The following STRN4 variants were observed in gnomAD, a reference collection of about 807,000 sequenced individuals.
STRN4 encodes the protein striatin-4.
In STRN4, 27 loss-of-function variants were observed where a neutral mutation model predicts 77.9. That is an observed-to-expected ratio of 0.35 (90% CI 0.26 to 0.48). The LOEUF (loss-of-function observed/expected upper bound fraction) is 0.48, where lower values mean the gene tolerates loss of function less well. Among genes scored for constraint, STRN4 ranks in the 20% least tolerant of loss-of-function variants. STRN4 has a pLI of 0.99. For missense variants in STRN4, 798 were observed against 1,049.7 expected (o/e 0.76, Z 3.31); for synonymous variants, 466 against 443.1 (o/e 1.05, Z -0.65).
In STRN4 at chr19:46,725,391, C is replaced by G. The variant is rs1188518980; in HGVS notation, c.1425-12G>C. On this transcript the variant is annotated splice_polypyrimidine_tract_variant and intron_variant, in intron 10 of 17. Coordinates refer to ENST00000263280, the MANE Select transcript of STRN4 (RefSeq NM_013403.3). ...CTAGCGCCGCATTCCTGTGGGATGACAGAGGAGCCTGATGTCACTGAGACC... is the reference window on the plus strand; with the variant it reads ...CTAGCGCCGCATTCCTGTGGGATGAGAGAGGAGCCTGATGTCACTGAGACC... 1.2e-6 allele frequency: 2 copies of G among 1,614,110 alleles called. No homozygotes were observed. The highest frequency in any genetic ancestry group is 1.1e-5 in the South Asian group (1 of 91,086).
Position 46,720,744 on chromosome 19 carries a change from C to A in STRN4, c.2120G>T (p.Ser707Ile). 6.2e-7 allele frequency: 1 copy of A among 1,603,072 alleles called. No homozygotes were observed. ...GSHDCSLRLW[S>I]LDNKTCVQEI... Reference sequence around the variant, plus strand: ...CTGCACGCACGTTTTGTTGTCCAGGCTCCAGAGACGCAGGGAGCAGTCATG... The same window carrying A: ...CTGCACGCACGTTTTGTTGTCCAGGATCCAGAGACGCAGGGAGCAGTCATG... Residue 707 changes from serine to isoleucine, a missense_variant, in exon 17 of 18, where the codon AGC becomes ATC. Around this residue, in one of 2 missense-constraint regions of STRN4, gnomAD observed 287 missense variants for 473.8 expected, o/e 0.61. Transcript: ENST00000263280.
Position 46,746,439 on chromosome 19 carries a change from C to G in STRN4, c.-9G>C. On this transcript the variant is annotated 5_prime_UTR_variant, in exon 1 of 18. Coordinates refer to ENST00000263280, the MANE Select transcript of STRN4 (RefSeq NM_013403.3). ...GCTCGCTCCTCCATCATGGAGGCCC[C>G]GGGGCCGGCCTGCGCGCCCGCTGTG... is the stretch of plus-strand genomic sequence containing the variant. 12 of 1,008,468 alleles carry G rather than the reference C, an allele frequency of 1.2e-5. No homozygotes were observed. Among genetic ancestry groups the G allele is most frequent in the South Asian group, 4.6e-5 (1 of 21,876 alleles). The allele number at this position is 1,008,468 out of a possible 1,614,324, so 62.5% of individuals were successfully genotyped here.
intron 1 of STRN4, 145 bp downstream of exon 1, chr19:46,746,004 C>T (rs1005294505): frequency 1.9e-6 from 2 of 1,077,744 alleles, no homozygotes; most frequent in African/African-American, 3.3e-5. Flanking sequence ...CCTCACTCGC[C>T]CTCCGGGACC....
intron 1 of STRN4, among the ~76,000 whole-genome samples, chr19:46,739,943 A>G (rs551337442): frequency 6.6e-6 from 1 of 152,336 alleles, no homozygotes; most frequent in African/African-American, 2.4e-5. Context: ...AAATGGGCCC[A>G]GTTCCTTACG....
chr19:46,720,844 C>G, intron 16 of STRN4, 73 bp from the exon 17 acceptor site: 2 of 1,454,218 alleles, frequency 1.4e-6, no homozygotes, highest in Non-Finnish European at 1.8e-6. Flanking sequence ...AACCCCTCAC[C>G]TGGCCTTGTC....
At position 46,736,882 on chromosome 19, in the gene STRN4, T is replaced by C; in HGVS notation, c.480A>G (p.Glu160=). 4 of 1,612,860 alleles carry C rather than the reference T, an allele frequency of 2.5e-6. No homozygotes were observed. In the South Asian group the frequency reaches 4.4e-5, roughly 18 times the overall value. Residue 160 remains glutamate (E), a synonymous_variant, in exon 4 of 18, where the codon GAA becomes GAG. Transcript: ENST00000263280. The part of the protein sequence containing the change: ...VSEQVSNGPV[E]SVTLENSPLV... ...ACGGGCTGTTCTCCAGGGTGACCGA[T>C]TCCACGGGGCCATTGGAGACTGGCG... is the stretch of plus-strand genomic sequence containing the variant.
intron 1 of STRN4, among the ~76,000 whole-genome samples, chr19:46,740,912 G>T (rs2054462516): frequency 6.6e-6 from 1 of 152,224 alleles, no homozygotes; most frequent in Non-Finnish European, 1.5e-5. Context: ...GTTAGCCAGG[G>T]GAGGGAAGGG....
At chr19:46,720,499 C>A in intron 17 of STRN4, 37 bp downstream of exon 17, 1 of 1,330,522 alleles carries the variant, frequency 7.5e-7, no homozygotes, top group Non-Finnish European at 9.9e-7. Flanking sequence ...TAGGCATGGG[C>A]GTGCAGAGAC....
Position 46,738,945 on chromosome 19 carries a change from G to T in STRN4, c.283-57C>A. On this transcript the variant is annotated intron_variant, in intron 1 of 17. Transcript: ENST00000263280. This position sits in a 1 kb window ranked among gnomAD's most constrained non-coding sequence, Gnocchi z 4.5. ...AATGGGGCTCAGGCTCAATGCCGGT[G>T]TGTCTATCACTCACCCAGGTATAGT... is the stretch of plus-strand genomic sequence containing the variant. 6.8e-7 allele frequency: 1 copy of T among 1,474,494 alleles called. No homozygotes were observed. The highest frequency in any genetic ancestry group is 1.1e-5 in the South Asian group (1 of 88,332). The allele number at this position is 1,474,494 out of a possible 1,614,324, so 91.3% of individuals were successfully genotyped here.
In STRN4 at chr19:46,728,720, CAG is replaced by C; in HGVS notation, c.935_936del (p.Ser312Ter). The C allele has an allele frequency of 6.2e-7, 1 of 1,614,222 alleles. No homozygotes were observed. The highest frequency in any genetic ancestry group is 8.5e-7 in the Non-Finnish European group (1 of 1,180,018). The part of the protein sequence containing the change: ...EMEDEDEEDD[S>X]EDAINEFDFL... ...AAATCAAACTCATTGATAGCATCCT[CAG>C]AGTCGTCTTCCTCATCCTCGTCTTC... On this transcript the variant is annotated frameshift_variant, in exon 7 of 18. Coordinates refer to ENST00000263280, the MANE Select transcript of STRN4 (RefSeq NM_013403.3). LOFTEE classifies it high-confidence loss of function.
intron 6 of STRN4, 92 bp from the exon 7 acceptor site, chr19:46,728,869 G>A (rs1029349737): frequency 1.6e-5 from 25 of 1,539,646 alleles, no homozygotes; most frequent in Non-Finnish European, 2.2e-5. Context: ...CCGGGGCTCT[G>A]GGCCCGTTTC....
intron 1 of STRN4, among the ~76,000 whole-genome samples, chr19:46,744,840 G>A (rs1428878438): frequency 1.3e-5 from 2 of 151,836 alleles, no homozygotes; most frequent in Non-Finnish European, 2.9e-5. Flanking sequence ...GACTTCCAGC[G>A]GGCCATTCCT....
At chr19:46,742,957 C>G (rs1191724617) in intron 1 of STRN4, among the ~76,000 whole-genome samples, 4 of 152,216 alleles carry the variant, frequency 2.6e-5, no homozygotes, top group African/African-American at 9.6e-5. Flanking sequence ...GCAGCCATGT[C>G]TGATGGGGGA....
At position 46,733,012 on chromosome 19, in the gene STRN4, A is replaced by T; in HGVS notation, c.737+27T>A. 1 of 1,591,506 alleles carries T rather than the reference A, an allele frequency of 6.3e-7. No individual in the cohort carries two copies. Among genetic ancestry groups the T allele is most frequent in the Admixed American group, 1.7e-5 (1 of 58,774 alleles). ...ACCAGCAGTCAGGAGGAACAGAGAG[A>T]CACACCTGCCATGTCCACGGGCTCA... On this transcript the variant is annotated intron_variant, in intron 5 of 17. Coordinates refer to ENST00000263280, the MANE Select transcript of STRN4 (RefSeq NM_013403.3). The surrounding 1 kb of genome is among the most constrained non-coding windows in gnomAD (Gnocchi z 4.3).
intron 16 of STRN4, 75 bp from the exon 17 acceptor site, chr19:46,720,846 G>C: frequency 6.9e-7 from 1 of 1,449,332 alleles, no homozygotes; most frequent in Non-Finnish European, 9.1e-7. Flanking sequence ...CCCCTCACCT[G>C]GCCTTGTCCA....
Position 46,746,405 on chromosome 19 carries a change from G to A in STRN4, c.26C>T (p.Ala9Val). Residue 9 changes from alanine to valine, a missense_variant, in exon 1 of 18, where the codon GCG (alanine) becomes GTG (valine). Coordinates refer to ENST00000263280, the MANE Select transcript of STRN4 (RefSeq NM_013403.3). Reference protein sequence around the residue: MMEERAAAAVAAAASSCRP... With the variant: MMEERAAAVVAAAASSCRP... Reference sequence around the variant, plus strand: ...GCAGGAGGAGGCGGCGGCGGCGACCGCGGCGGCCGCTCGCTCCTCCATCAT... The same window carrying A: ...GCAGGAGGAGGCGGCGGCGGCGACCACGGCGGCCGCTCGCTCCTCCATCAT... The A allele has an allele frequency of 2.9e-6, 3 of 1,052,072 alleles. No individual in the cohort carries two copies. The highest frequency in any genetic ancestry group is 3.4e-6 in the Non-Finnish European group (3 of 876,216). 65.2% of individuals were successfully genotyped at this position (1,052,072 alleles called of 1,614,324 possible).
intron 7 of STRN4, 163 bp downstream of exon 7, chr19:46,728,455 G>T: frequency 1.0e-6 from 1 of 961,368 alleles, no homozygotes; most frequent in Non-Finnish European, 1.5e-6. Flanking sequence ...GGGGCCGGCG[G>T]CCATGACCTG....
chr19:46,742,900 C>T lies in STRN4; in HGVS notation c.282+3249G>A, dbSNP rs115010657. Among the ~76,000 whole-genome samples the T allele has an allele frequency of 9.5e-4, 145 of 152,334 alleles. 1 individual carries two copies. The highest frequency in any genetic ancestry group is 3.2e-3 in the African/African-American group (134 of 41,576). ...TAAACACATCCATTCTACTATTCCA[C>T]TCATCTGTTCTGCTTCATTCTTGCA... is the stretch of plus-strand genomic sequence containing the variant. On this transcript the variant is annotated intron_variant, in intron 1 of 17. Transcript: ENST00000263280.
intron 6 of STRN4, among the ~76,000 whole-genome samples, chr19:46,729,399 C>T (rs544231120): frequency 6.6e-6 from 1 of 152,270 alleles, no homozygotes; most frequent in East Asian, 1.9e-4. Flanking sequence ...TCCTCCAGGG[C>T]GTGGCTGACC....
Sources: allele counts gnomAD v4.1 joint callset (sites outside exome capture counted in the v4.1 genomes callset), GRCh38; gene constraint gnomAD v4.1.1; regional missense constraint gnomAD v4.1.1; non-coding constraint Gnocchi (gnomAD v3.1); transcripts MANE v1.5; gene names NCBI Gene and HGNC (gene_info 2026-07-23, HGNC 2026-07-21).